The following DPH3 variants were observed in gnomAD, a reference collection of about 807,000 sequenced individuals.
DPH3 encodes the protein diphthamide biosynthesis protein 3.
A neutral mutation model predicts 10.2 loss-of-function variants in DPH3; 8 were observed. The ratio of observed to expected loss-of-function variants is 0.79; its 90% CI spans 0.46 to 1.42. DPH3 has a LOEUF of 1.42. Ranked by LOEUF, DPH3 falls within the 40% of genes most tolerant of loss-of-function variation. The pLI is 0.00. For missense variants in DPH3, 96 were observed against 98.9 expected (o/e 0.97, Z 0.12); for synonymous variants, 35 against 35.6 (o/e 0.98, Z 0.06).
In DPH3 at chr3:16,263,256, T is replaced by C. The variant is rs1050509961; in HGVS notation, c.183+899A>G. 2.6e-5 allele frequency among the ~76,000 whole-genome samples: 4 copies of C among 152,194 alleles called. No homozygotes were observed. The South Asian group carries it at 8.3e-4, about 32-fold the overall frequency. On this transcript the variant is annotated intron_variant, in intron 2 of 2. Coordinates refer to ENST00000488423, the MANE Select transcript of DPH3 (RefSeq NM_206831.3). This position sits in a 1 kb window ranked among gnomAD's most constrained non-coding sequence, Gnocchi z 4.0. ...TGTTCCTGTCTTAGGTCCCCTTCACTGAACGATCCTTTGCTCGACTCTCTT... is the reference window on the plus strand; with the variant it reads ...TGTTCCTGTCTTAGGTCCCCTTCACCGAACGATCCTTTGCTCGACTCTCTT...
chr3:16,263,551 T>C lies in DPH3; in HGVS notation c.183+604A>G, dbSNP rs1294570107. Among the ~76,000 whole-genome samples the C allele has an allele frequency of 6.6e-6, 1 of 152,236 alleles. No individual in the cohort carries two copies. Among genetic ancestry groups the C allele is most frequent in the African/African-American group, 2.4e-5 (1 of 41,468 alleles). On this transcript the variant is annotated intron_variant, in intron 2 of 2. Transcript: ENST00000488423. The surrounding 1 kb of genome is among the most constrained non-coding windows in gnomAD (Gnocchi z 4.0). The stretch of plus-strand genomic sequence containing the variant: ...GTGCCTCATCCCCACTTTCCCTATA[T>C]TCATTTTGGACTTCATCCTTGAGAG...
In DPH3 at chr3:16,264,683, A is replaced by T. The variant is rs1431523395; in HGVS notation, c.108+86T>A. ...AAAGAGGGCGTGGGTGACACAGCGC[A>T]GCAAAGGCTACCCAATGATGGAAGG... is the stretch of plus-strand genomic sequence containing the variant. On this transcript the variant is annotated intron_variant, in intron 1 of 2. Coordinates refer to ENST00000488423, the MANE Select transcript of DPH3 (RefSeq NM_206831.3). 3.0e-6 allele frequency: 4 copies of T among 1,318,948 alleles called. No homozygotes were observed. The East Asian group carries it at 9.5e-5, about 31-fold the overall frequency. 81.7% of individuals were successfully genotyped at this position (1,318,948 alleles called of 1,614,324 possible).
In DPH3 at chr3:16,263,740, T is replaced by C. The variant is rs1022529013; in HGVS notation, c.183+415A>G. Among the ~76,000 whole-genome samples the C allele has an allele frequency of 6.6e-6, 1 of 152,222 alleles. No homozygotes were observed. The highest frequency in any genetic ancestry group is 1.5e-5 in the Non-Finnish European group (1 of 68,038). On this transcript the variant is annotated intron_variant, in intron 2 of 2. Coordinates refer to ENST00000488423, the MANE Select transcript of DPH3 (RefSeq NM_206831.3). This position sits in a 1 kb window ranked among gnomAD's most constrained non-coding sequence, Gnocchi z 4.0. ...ATTGTAAAGCTGCACCTAGGAATTATATCTCAAACAAGATAATGCAGAATT... is the reference window on the plus strand; with the variant it reads ...ATTGTAAAGCTGCACCTAGGAATTACATCTCAAACAAGATAATGCAGAATT...
chr3:16,260,803 G>T lies in DPH3; in HGVS notation c.210C>A (p.Val70=). The change falls in exon 3 of 3, where the codon GTC becomes GTA. Residue 70 remains valine, a synonymous_variant. Transcript: ENST00000488423. ...ATTCTTTGTTGGCTGAAGGGGCTGG[G>T]ACTGTTTCTCCACACACAAACTGAT... The part of the protein sequence containing the change: ...DKDQFVCGET[V]PAPSANKELV... 1 of 1,613,882 alleles carries T rather than the reference G, an allele frequency of 6.2e-7. No individual in the cohort carries two copies. The highest frequency in any genetic ancestry group is 8.5e-7 in the Non-Finnish European group (1 of 1,179,854).
Position 16,259,725 on chromosome 3 carries a change from C to G in DPH3, c.*1039G>C, listed in dbSNP as rs1490426085. On this transcript the variant is annotated 3_prime_UTR_variant, in exon 3 of 3. Coordinates refer to ENST00000488423, the MANE Select transcript of DPH3 (RefSeq NM_206831.3). ...TATAGAGGCTTATTAAATATGCTCT[C>G]ATGGGCATATTTATTCACAATAGGT... 1 of 152,200 alleles carries G rather than the reference C, an allele frequency of 6.6e-6. No individual in the cohort carries two copies. The highest frequency in any genetic ancestry group is 1.5e-5 in the Non-Finnish European group (1 of 68,046). The allele number at this position is 152,200 out of a possible 1,614,324, so 9.4% of individuals were successfully genotyped here. A position where few individuals can be genotyped will look rare whatever the true frequency, so the allele number is the denominator to read the frequency against.
In DPH3 at chr3:16,258,004, A is replaced by G. The variant is rs1398814795; in HGVS notation, c.*2760T>C. 2.6e-5 allele frequency: 4 copies of G among 152,264 alleles called. No homozygotes were observed. The highest frequency in any genetic ancestry group is 2.6e-4 in the Admixed American group (4 of 15,288). 9.4% of individuals were successfully genotyped at this position (152,264 alleles called of 1,614,324 possible). Reference sequence around the variant, plus strand: ...GGATTTGAATTATCTGACTTTATTTAGCATGCAATGCAATTTATTCTGGCA... The same window carrying G: ...GGATTTGAATTATCTGACTTTATTTGGCATGCAATGCAATTTATTCTGGCA... On this transcript the variant is annotated 3_prime_UTR_variant, in exon 3 of 3. Coordinates refer to ENST00000488423, the MANE Select transcript of DPH3 (RefSeq NM_206831.3).
At position 16,258,943 on chromosome 3, in the gene DPH3, G is replaced by A. The variant is rs946184274; in HGVS notation, c.*1821C>T. Reference sequence around the variant, plus strand: ...GTCACTGACTGCTAATGCTTTTTATGCTTCTTTTTTCCTGGGATGTGTGAA... The same window carrying A: ...GTCACTGACTGCTAATGCTTTTTATACTTCTTTTTTCCTGGGATGTGTGAA... On this transcript the variant is annotated 3_prime_UTR_variant, in exon 3 of 3. Coordinates refer to ENST00000488423, the MANE Select transcript of DPH3 (RefSeq NM_206831.3). The A allele has an allele frequency of 2.6e-5, 4 of 152,200 alleles. No homozygotes were observed. Among genetic ancestry groups the A allele is most frequent in the Non-Finnish European group, 4.4e-5 (3 of 68,032 alleles). The allele number at this position is 152,200 out of a possible 1,614,324, so 9.4% of individuals were successfully genotyped here.
In DPH3 at chr3:16,259,157, G is replaced by A. The variant is rs1271176485; in HGVS notation, c.*1607C>T. The A allele has an allele frequency of 6.6e-6, 1 of 152,206 alleles. No homozygotes were observed. Among genetic ancestry groups the A allele is most frequent in the Non-Finnish European group, 1.5e-5 (1 of 68,044 alleles). The allele number at this position is 152,206 out of a possible 1,614,324, so 9.4% of individuals were successfully genotyped here. On this transcript the variant is annotated 3_prime_UTR_variant, in exon 3 of 3. Coordinates refer to ENST00000488423, the MANE Select transcript of DPH3 (RefSeq NM_206831.3). ...TGCCACCATAGTGAGTGAGTACTCT[G>A]CTCTGTTCATCTGAGCAGTCACTTT...
At position 16,264,894 on chromosome 3, in the gene DPH3, GA is replaced by G. The variant is rs1156384611; in HGVS notation, c.-19del. On this transcript the variant is annotated 5_prime_UTR_variant, in exon 1 of 3. Transcript: ENST00000488423. ...ACTGCCATGGTCAGCGGGGGTGGCC[GA>G]AGGGGTAACGCCCCAGCAGTCCGAG... 1 of 1,613,368 alleles carries G rather than the reference GA, an allele frequency of 6.2e-7. No individual in the cohort carries two copies. The highest frequency in any genetic ancestry group is 1.3e-5 in the African/African-American group (1 of 74,928).
rs541279534 is a variant in DPH3 at position 16,258,319 on chromosome 3, T to G, written c.*2445A>C. ...CAATCACCTGATCGAGTCTCCTAAT[T>G]GTACAGCTGAAGAATCCAATGGCCT... On this transcript the variant is annotated 3_prime_UTR_variant, in exon 3 of 3. Coordinates refer to ENST00000488423, the MANE Select transcript of DPH3 (RefSeq NM_206831.3). 3 of 152,280 alleles carry G rather than the reference T, an allele frequency of 2.0e-5. No homozygotes were observed. The South Asian group carries it at 6.2e-4, about 32-fold the overall frequency. 9.4% of individuals were successfully genotyped at this position (152,280 alleles called of 1,614,324 possible). A position where few individuals can be genotyped will look rare whatever the true frequency, so the allele number is the denominator to read the frequency against.
chr3:16,259,485 C>T lies in DPH3; in HGVS notation c.*1279G>A, dbSNP rs1485746245. 1 of 152,198 alleles carries T rather than the reference C, an allele frequency of 6.6e-6. No homozygotes were observed. The highest frequency in any genetic ancestry group is 1.5e-5 in the Non-Finnish European group (1 of 68,036). The allele number at this position is 152,198 out of a possible 1,614,324, so 9.4% of individuals were successfully genotyped here. A position where few individuals can be genotyped will look rare whatever the true frequency, so the allele number is the denominator to read the frequency against. Reference sequence around the variant, plus strand: ...TTGCAGAAGCCATTCCTAAAACAACCTGACGGACATCACTGCATTAATAAA... The same window carrying T: ...TTGCAGAAGCCATTCCTAAAACAACTTGACGGACATCACTGCATTAATAAA... On this transcript the variant is annotated 3_prime_UTR_variant, in exon 3 of 3. Coordinates refer to ENST00000488423, the MANE Select transcript of DPH3 (RefSeq NM_206831.3).
rs991903863 is a variant in DPH3, at chr3:16,263,828, T to C, written c.183+327A>G. 1.3e-5 allele frequency among the ~76,000 whole-genome samples: 2 copies of C among 152,220 alleles called. No homozygotes were observed. Among genetic ancestry groups the C allele is most frequent in the African/African-American group, 4.8e-5 (2 of 41,460 alleles). ...CCCTTCAAAGTAAGTCTAGCAGCTC[T>C]AAACAATTTTAATTACATATTAAAT... On this transcript the variant is annotated intron_variant, in intron 2 of 2. Transcript: ENST00000488423. The surrounding 1 kb of genome is among the most constrained non-coding windows in gnomAD (Gnocchi z 4.0).
intron 1 of DPH3, 91 bp from the exon 2 acceptor site, chr3:16,264,320 T>A: frequency 9.7e-7 from 1 of 1,028,656 alleles, no homozygotes; most frequent in Non-Finnish European, 1.4e-6. Flanking sequence ...GCAAGTCTCT[T>A]GGTGGCTTGC....
At chr3:16,264,105 T>C in intron 2 of DPH3, 50 bp downstream of exon 2, 2 of 1,364,370 alleles carry the variant, frequency 1.5e-6, no homozygotes, top group Non-Finnish European at 2.0e-6. Flanking sequence ...TCTAAGTCCT[T>C]GCCACTGACT....
At position 16,258,039 on chromosome 3, in the gene DPH3, T is replaced by C. The variant is rs2064264861; in HGVS notation, c.*2725A>G. Reference sequence around the variant, plus strand: ...GCAATTTATTCTGGCAATAAATTAATATGTGCAGTTATAAAAAATGTTGGG... The same window carrying C: ...GCAATTTATTCTGGCAATAAATTAACATGTGCAGTTATAAAAAATGTTGGG... On this transcript the variant is annotated 3_prime_UTR_variant, in exon 3 of 3. Transcript: ENST00000488423. 6.6e-6 allele frequency: 1 copy of C among 151,308 alleles called. No individual in the cohort carries two copies. The highest frequency in any genetic ancestry group is 1.5e-5 in the Non-Finnish European group (1 of 67,346). 9.4% of individuals were successfully genotyped at this position (151,308 alleles called of 1,614,324 possible).
At position 16,260,724 on chromosome 3, in the gene DPH3, T is replaced by C. The variant is rs186215216; in HGVS notation, c.*40A>G. Reference sequence around the variant, plus strand: ...TTGCATTCGATATTTCTATCTGGGCTCATTCCAAATGTTCAGGATTTGGAT... The same window carrying C: ...TTGCATTCGATATTTCTATCTGGGCCCATTCCAAATGTTCAGGATTTGGAT... On this transcript the variant is annotated 3_prime_UTR_variant, in exon 3 of 3. Transcript: ENST00000488423. 9.0e-6 allele frequency: 14 copies of C among 1,562,052 alleles called. 1 individual carries two copies. In the African/African-American group the frequency reaches 9.5e-5, roughly 11 times the overall value.
rs1002450030 is a variant in DPH3, at chr3:16,259,036, T to C, written c.*1728A>G. 5.3e-5 allele frequency: 8 copies of C among 152,222 alleles called. No individual in the cohort carries two copies. The highest frequency in any genetic ancestry group is 1.9e-4 in the East Asian group (1 of 5,200). 9.4% of individuals were successfully genotyped at this position (152,222 alleles called of 1,614,324 possible). A position where few individuals can be genotyped will look rare whatever the true frequency, so the allele number is the denominator to read the frequency against. On this transcript the variant is annotated 3_prime_UTR_variant, in exon 3 of 3. Coordinates refer to ENST00000488423, the MANE Select transcript of DPH3 (RefSeq NM_206831.3). Reference sequence around the variant, plus strand: ...CCACATCAAGGGTGTCTGTTCGTGTTTGAAACTCATCAGCATCAGAAAGAG... The same window carrying C: ...CCACATCAAGGGTGTCTGTTCGTGTCTGAAACTCATCAGCATCAGAAAGAG...
intron 1 of DPH3, 113 bp downstream of exon 1, chr3:16,264,656 G>A: frequency 9.6e-7 from 1 of 1,043,172 alleles, no homozygotes; most frequent in East Asian, 2.6e-5. Context: ...TTCAGCAACG[G>A]GAAAGAGGGC....
In DPH3 at chr3:16,261,182, T is replaced by C. The variant is rs1235144130; in HGVS notation, c.184-353A>G. On this transcript the variant is annotated intron_variant, in intron 2 of 2. Coordinates refer to ENST00000488423, the MANE Select transcript of DPH3 (RefSeq NM_206831.3). The surrounding 1 kb of genome is among the most constrained non-coding windows in gnomAD (Gnocchi z 7.1). Reference sequence around the variant, plus strand: ...AAAACTTCTCCACTTTAATATTTGGTCATTCAAATACCAGTCCTCTTCAAA... The same window carrying C: ...AAAACTTCTCCACTTTAATATTTGGCCATTCAAATACCAGTCCTCTTCAAA... 6.6e-6 allele frequency among the ~76,000 whole-genome samples: 1 copy of C among 152,248 alleles called. No homozygotes were observed. The highest frequency in any genetic ancestry group is 1.9e-4 in the East Asian group (1 of 5,200).
Sources: allele counts gnomAD v4.1 joint callset (sites outside exome capture counted in the v4.1 genomes callset), GRCh38; gene constraint gnomAD v4.1.1; non-coding constraint Gnocchi (gnomAD v3.1); transcripts MANE v1.5; gene names NCBI Gene and HGNC (gene_info 2026-07-23, HGNC 2026-07-21).